The following IGSF21 variants were observed in gnomAD, a reference collection of about 807,000 sequenced individuals.
The protein encoded by IGSF21 is immunoglobulin superfamily member 21.
A neutral mutation model predicts 46.8 loss-of-function variants in IGSF21; 28 were observed. The ratio of observed to expected loss-of-function variants is 0.60; its 90% confidence interval spans 0.44 to 0.82. The LOEUF (loss-of-function observed/expected upper bound fraction) is 0.82. Ranked by LOEUF, IGSF21 falls within the 40% of genes least tolerant of loss-of-function variation. IGSF21 has a pLI of 0.00. For synonymous variants in IGSF21, 284 were observed against 273.6 expected (o/e 1.04, Z -0.38); for missense variants, 624 against 665.5 (o/e 0.94, Z 0.69).
At chr1:18,256,621 G>C (rs914071961) in intron 2 of IGSF21, among the ~76,000 whole-genome samples, 1 of 152,162 alleles carries the variant, frequency 6.6e-6, no homozygotes, top group Non-Finnish European at 1.5e-5. Context: ...GCCTTGGTCT[G>C]ACATTCTGAA....
chr1:18,246,266 C>T (rs1274306598), intron 2 of IGSF21, among the ~76,000 whole-genome samples: 1 of 152,068 alleles, frequency 6.6e-6, no homozygotes, highest in Non-Finnish European at 1.5e-5. Context: ...ATCTCAGTGC[C>T]CAGTGGGCCC....
intron 1 of IGSF21, among the ~76,000 whole-genome samples, chr1:18,176,538 A>G (rs947858699): frequency 6.6e-6 from 1 of 152,220 alleles, no homozygotes; most frequent in Non-Finnish European, 1.5e-5. Context: ...TAAGTAGGGC[A>G]TCTCTTGGCA....
At position 18,165,703 on chromosome 1, in the gene IGSF21, G is replaced by A. The variant is rs180676640; in HGVS notation, c.70+57505G>A. Among the ~76,000 whole-genome samples, 19 of 152,304 alleles carry A rather than the reference G, an allele frequency of 1.2e-4. No homozygotes were observed. In the East Asian group the frequency reaches 1.9e-3, roughly 15 times the overall value. On this transcript the variant is annotated intron_variant, in intron 1 of 9. Transcript: ENST00000251296. ...TAACATCCTTAAATATCTGCTAGCC[G>A]TAATAAAGAAATCAATTGCACTTTA...
chr1:18,377,521 C>A, intron 9 of IGSF21, 90 bp downstream of exon 9: 1 of 991,660 alleles, frequency 1.0e-6, no homozygotes, highest in Non-Finnish European at 1.6e-6. Flanking sequence ...CCCATATGCA[C>A]ACCCTTGCCA....
intron 1 of IGSF21, among the ~76,000 whole-genome samples, chr1:18,224,092 G>A (rs1342801525): frequency 6.6e-6 from 1 of 152,204 alleles, no homozygotes; most frequent in African/African-American, 2.4e-5. Context: ...AACATTCAAA[G>A]AGGCACCCAC....
At chr1:18,356,159 A>G (rs950733580) in intron 4 of IGSF21, among the ~76,000 whole-genome samples, 1 of 152,172 alleles carries the variant, frequency 6.6e-6, no homozygotes, top group Non-Finnish European at 1.5e-5. Context: ...TACTAATACA[A>G]TTACGACTAC....
intron 1 of IGSF21, among the ~76,000 whole-genome samples, chr1:18,156,131 A>C (rs139975215): frequency 6.6e-6 from 1 of 152,078 alleles, no homozygotes; most frequent in African/African-American, 2.4e-5. Context: ...CTTCACCTGG[A>C]CTTGTGTAGC....
intron 1 of IGSF21, among the ~76,000 whole-genome samples, chr1:18,162,592 C>A (rs537568347): frequency 6.6e-6 from 1 of 152,290 alleles, no homozygotes; most frequent in African/African-American, 2.4e-5. Context: ...GAGCACGTTT[C>A]AGGTCAGCTA....
At chr1:18,280,470 A>G (rs1475742921) in intron 2 of IGSF21, among the ~76,000 whole-genome samples, 1 of 152,104 alleles carries the variant, frequency 6.6e-6, no homozygotes, top group Admixed American at 6.5e-5. Context: ...TAATAGTAAT[A>G]ATAATATGCA....
chr1:18,225,977 A>G (rs2084562380), intron 1 of IGSF21, among the ~76,000 whole-genome samples: 2 of 152,232 alleles, frequency 1.3e-5, no homozygotes, highest in Admixed American at 6.5e-5. Context: ...GAATCATAAT[A>G]GTTCCTCTCT....
intron 1 of IGSF21, among the ~76,000 whole-genome samples, chr1:18,156,037 C>A (rs2086565493): frequency 6.6e-6 from 1 of 152,224 alleles, no homozygotes; most frequent in South Asian, 2.1e-4. Context: ...AATAGTTACC[C>A]AGCTGGTAGC....
chr1:18,118,134 G>T (rs1011639865), intron 1 of IGSF21, among the ~76,000 whole-genome samples: 4 of 151,706 alleles, frequency 2.6e-5, no homozygotes, highest in Non-Finnish European at 5.9e-5. Context: ...AGCCTTTGGG[G>T]TTTTTTTTTG....
intron 1 of IGSF21, among the ~76,000 whole-genome samples, chr1:18,116,263 C>A (rs886640785): frequency 1.3e-5 from 2 of 152,164 alleles, no homozygotes. Context: ...TTGTTACACA[C>A]TTGCCAGCAC....
intron 2 of IGSF21, among the ~76,000 whole-genome samples, chr1:18,273,761 C>G (rs1414474104): frequency 6.6e-6 from 1 of 151,886 alleles, no homozygotes; most frequent in African/African-American, 2.4e-5. Flanking sequence ...TGAACTTCCT[C>G]TCTCCCAAAG....
intron 3 of IGSF21, among the ~76,000 whole-genome samples, chr1:18,300,907 C>T (rs1012205822): frequency 6.6e-6 from 1 of 152,184 alleles, no homozygotes; most frequent in Non-Finnish European, 1.5e-5. Context: ...CTCCCTGGTT[C>T]TCATCTCTCT....
intron 2 of IGSF21, among the ~76,000 whole-genome samples, chr1:18,264,479 C>T (rs1167082580): frequency 1.3e-5 from 2 of 152,130 alleles, no homozygotes; most frequent in African/African-American, 2.4e-5. Context: ...CACACTGAGC[C>T]TTAGTTTTTC....
chr1:18,269,864 C>G (rs985386020), intron 2 of IGSF21, among the ~76,000 whole-genome samples: 1 of 152,198 alleles, frequency 6.6e-6, no homozygotes, highest in Non-Finnish European at 1.5e-5. Flanking sequence ...TACTGTGTGA[C>G]CTTAGGCAAG....
intron 1 of IGSF21, among the ~76,000 whole-genome samples, chr1:18,162,818 G>C (rs2086639723): frequency 6.6e-6 from 1 of 152,116 alleles, no homozygotes. Flanking sequence ...TGAGATATGA[G>C]ACCGTATTCA....
At chr1:18,277,109 C>A (rs911882200) in intron 2 of IGSF21, among the ~76,000 whole-genome samples, 1 of 152,152 alleles carries the variant, frequency 6.6e-6, no homozygotes, top group African/African-American at 2.4e-5. Flanking sequence ...GATCGCCTGG[C>A]CTCCCTGGGC....
Sources: gnomAD v4.1 joint callset for allele counts (sites outside exome capture counted in the v4.1 genomes callset) on GRCh38, gnomAD v4.1.1 for gene constraint, MANE v1.5 for transcripts, NCBI Gene and HGNC (gene_info 2026-07-23, HGNC 2026-07-21) for gene names.